GNAQ: variants seen among roughly 807,000 people sequenced by gnomAD.
The protein encoded by GNAQ is guanine nucleotide-binding protein G(q) subunit alpha.
In GNAQ, 8 loss-of-function variants were observed where a neutral mutation model predicts 43.9. The ratio of observed to expected loss-of-function variants is 0.18; its 90% CI spans 0.11 to 0.33. GNAQ has a LOEUF of 0.33. Ranked by LOEUF, GNAQ falls within the 10% of genes least tolerant of loss-of-function variation. GNAQ has a pLI of 1.00. For synonymous variants in GNAQ, 155 were observed against 170.7 expected, an observed-to-expected ratio of 0.91 and a Z score of 0.71; for missense variants, 158 against 450.8, an observed-to-expected ratio of 0.35 and a Z score of 5.88.
At chr9:78,031,069 G>C (rs1824051970) in intron 1 of GNAQ, 31 bp downstream of exon 1, 2 of 1,405,334 alleles carry the variant, frequency 1.4e-6, no homozygotes, top group Non-Finnish European at 1.9e-6. Context: ...TGGGGGCGCA[G>C]AGGCCCGGCG....
intron 1 of GNAQ, among the ~76,000 whole-genome samples, chr9:77,998,159 C>T (rs1823599304): frequency 6.6e-6 from 1 of 152,210 alleles, no homozygotes. Context: ...GGTCAAGCTG[C>T]TCGGCTTCCT....
At chr9:77,900,277 T>C (rs1326856680) in intron 2 of GNAQ, among the ~76,000 whole-genome samples, 2 of 152,154 alleles carry the variant, frequency 1.3e-5, no homozygotes, top group African/African-American at 4.8e-5. Context: ...CATGTACGAA[T>C]AACACAGTCA....
intron 5 of GNAQ, among the ~76,000 whole-genome samples, chr9:77,740,824 T>C (rs1256100859): frequency 1.3e-5 from 2 of 152,210 alleles, no homozygotes; most frequent in African/African-American, 4.8e-5. Context: ...CACTAGACAA[T>C]GCTAAGAGCA....
rs180851125 is a variant in GNAQ, at chr9:77,872,681, C to T, written c.321+49480G>A. ...TTATCTTCCATTTCACAGATGTAAACGCTGAAGCCCAGAGAAACAAAGACA... is the reference window on the plus strand; with the variant it reads ...TTATCTTCCATTTCACAGATGTAAATGCTGAAGCCCAGAGAAACAAAGACA... On this transcript the variant is annotated intron_variant, in intron 2 of 6. Transcript: ENST00000286548. Among the ~76,000 whole-genome samples, 193 of 152,200 alleles carry T rather than the reference C, an allele frequency of 1.3e-3. 2 individuals carry two copies. Among genetic ancestry groups the T allele is most frequent in the African/African-American group, 4.3e-3 (180 of 41,524 alleles).
At chr9:77,738,251 C>G (rs1825602580) in intron 5 of GNAQ, among the ~76,000 whole-genome samples, 1 of 152,158 alleles carries the variant, frequency 6.6e-6, no homozygotes, top group Non-Finnish European at 1.5e-5. Flanking sequence ...CAATAGTGCT[C>G]CACTCCCTAA....
intron 5 of GNAQ, among the ~76,000 whole-genome samples, chr9:77,762,105 C>G (rs1441118638): frequency 1.5e-5 from 2 of 137,056 alleles, no homozygotes; most frequent in African/African-American, 5.5e-5. Context: ...GGCCAGCCGC[C>G]CCATCCGGGA....
At chr9:77,828,468 T>C (rs1397742885) in intron 2 of GNAQ, among the ~76,000 whole-genome samples, 1 of 152,204 alleles carries the variant, frequency 6.6e-6, no homozygotes, top group Non-Finnish European at 1.5e-5. Flanking sequence ...CCTTTCCTAA[T>C]TACTTTTTTC....
At chr9:77,930,698 C>G (rs1411034172) in intron 1 of GNAQ, among the ~76,000 whole-genome samples, 1 of 152,124 alleles carries the variant, frequency 6.6e-6, no homozygotes, top group East Asian at 1.9e-4. Flanking sequence ...TCATTACATA[C>G]TTTAAGGTCA....
intron 2 of GNAQ, among the ~76,000 whole-genome samples, chr9:77,863,033 G>C (rs956892498): frequency 2.2e-4 from 34 of 152,118 alleles, no homozygotes; most frequent in Admixed American, 1.3e-4. Flanking sequence ...AATTAGCCGG[G>C]TGTGGTGGCA....
At chr9:77,895,636 A>C (rs1408415960) in intron 2 of GNAQ, among the ~76,000 whole-genome samples, 1 of 152,184 alleles carries the variant, frequency 6.6e-6, no homozygotes, top group Non-Finnish European at 1.5e-5. Context: ...AGATGACAAG[A>C]AACGGACTGG....
intron 1 of GNAQ, among the ~76,000 whole-genome samples, chr9:77,991,413 A>G (rs1823506064): frequency 6.6e-6 from 1 of 152,194 alleles, no homozygotes; most frequent in Non-Finnish European, 1.5e-5. Context: ...TCAACAATAA[A>G]TACCACAGTC....
intron 2 of GNAQ, among the ~76,000 whole-genome samples, chr9:77,834,998 T>C (rs185085047): frequency 1.3e-5 from 2 of 152,216 alleles, no homozygotes; most frequent in East Asian, 3.9e-4. Flanking sequence ...GGGAGATGCA[T>C]TTCAAGGCCC....
chr9:77,946,952 C>CTTAATATT (rs1279107636), intron 1 of GNAQ, among the ~76,000 whole-genome samples: 1 of 152,234 alleles, frequency 6.6e-6, no homozygotes, highest in Admixed American at 6.5e-5. Context: ...AATTCTGTAA[C>CTTAATATT]TTAATATTAT....
intron 5 of GNAQ, among the ~76,000 whole-genome samples, chr9:77,759,127 T>G (rs1209706630): frequency 2.0e-5 from 3 of 152,180 alleles, no homozygotes; most frequent in Non-Finnish European, 4.4e-5. Flanking sequence ...AAAAGAAATA[T>G]TTCTGATTTC....
At chr9:77,983,069 G>T (rs1823388604) in intron 1 of GNAQ, among the ~76,000 whole-genome samples, 1 of 152,200 alleles carries the variant, frequency 6.6e-6, no homozygotes, top group Non-Finnish European at 1.5e-5. Context: ...ACCAATGCTT[G>T]AATTCATCAA....
intron 1 of GNAQ, among the ~76,000 whole-genome samples, chr9:77,987,224 A>G (rs1417713598): frequency 6.6e-6 from 1 of 152,160 alleles, no homozygotes; most frequent in Non-Finnish European, 1.5e-5. Context: ...CACCATGCAG[A>G]CTATAAAAGT....
chr9:77,953,633 A>C (rs909727033), intron 1 of GNAQ, among the ~76,000 whole-genome samples: 1 of 152,182 alleles, frequency 6.6e-6, no homozygotes, highest in African/African-American at 2.4e-5. Context: ...GCACACCCAA[A>C]CCTAGTGGCA....
chr9:77,798,884 G>T (rs749869283), intron 3 of GNAQ, among the ~76,000 whole-genome samples: 2 of 152,066 alleles, frequency 1.3e-5, no homozygotes, highest in Non-Finnish European at 2.9e-5. Flanking sequence ...TTATGGGGGG[G>T]TATCTAGTTC....
At chr9:77,786,048 A>G (rs936247917) in intron 5 of GNAQ, among the ~76,000 whole-genome samples, 2 of 152,234 alleles carry the variant, frequency 1.3e-5, no homozygotes, top group Non-Finnish European at 2.9e-5. Flanking sequence ...TACATGTCAC[A>G]TGTGTCATTA....
Sources: allele counts gnomAD v4.1 joint callset (sites outside exome capture counted in the v4.1 genomes callset), GRCh38; gene constraint gnomAD v4.1.1; transcripts MANE v1.5; gene names NCBI Gene and HGNC (gene_info 2026-07-23, HGNC 2026-07-21).